Variants in FAT3 observed in about 807,000 individuals in gnomAD.
The protein encoded by FAT3 is FAT atypical cadherin 3.
In FAT3, 95 loss-of-function variants were observed where a neutral mutation model predicts 310.2. The observed-to-expected ratio is 0.31, with a 90% CI of 0.26 to 0.36. The LOEUF (loss-of-function observed/expected upper bound fraction) is 0.36, where lower values mean the gene tolerates loss of function less well. FAT3 is among the 10% of genes least tolerant of loss of function. FAT3 has a pLI of 1.00. For missense variants in FAT3, 5,408 were observed against 5,715.6 expected (o/e 0.95, Z 1.74); for synonymous variants, 2,314 against 2,192.9 (o/e 1.06, Z -1.54).
intron 4 of FAT3, among the ~76,000 whole-genome samples, chr11:92,727,408 A>T (rs1945031927): frequency 6.6e-6 from 1 of 151,636 alleles, no homozygotes; most frequent in African/African-American, 2.4e-5. Flanking sequence ...AGTAAAAGTG[A>T]CATAAATAAT....
chr11:92,811,793 A>G (rs1378262204), intron 13 of FAT3, among the ~76,000 whole-genome samples: 4 of 152,188 alleles, frequency 2.6e-5, no homozygotes, highest in African/African-American at 7.2e-5. Flanking sequence ...TGTATAAAGT[A>G]TACTCACCAG....
rs116866780 is a variant in FAT3 at position 92,599,440 on chromosome 11, C to T, written c.3607+74492C>T. On this transcript the variant is annotated intron_variant, in intron 3 of 27. Transcript: ENST00000525166. Reference sequence around the variant, plus strand: ...ATGACCTCCTACTAGGTTCCTCCCACGACATGAGAGGATTATGGGAACTAC... The same window carrying T: ...ATGACCTCCTACTAGGTTCCTCCCATGACATGAGAGGATTATGGGAACTAC... Among the ~76,000 whole-genome samples the T allele has an allele frequency of 2.0e-4, 30 of 152,180 alleles. 1 individual carries two copies. The East Asian group carries it at 5.2e-3, about 27-fold the overall frequency.
At position 92,299,916 on chromosome 11, in the gene FAT3, A is replaced by G. The variant is rs141439615; in HGVS notation, c.-17-52180A>G. 3.4e-3 allele frequency among the ~76,000 whole-genome samples: 522 copies of G among 152,234 alleles called. 2 individuals carry two copies. Among genetic ancestry groups the G allele is most frequent in the Middle Eastern group, 0.017 (5 of 294 alleles). ...CCCCCATAGCTCCAGAAAGAAATCT[A>G]TCTCTTCAGCAGGGCACATTCTGAC... On this transcript the variant is annotated intron_variant, in intron 1 of 27. Transcript: ENST00000525166.
intron 3 of FAT3, among the ~76,000 whole-genome samples, chr11:92,632,991 A>T (rs1273052473): frequency 1.3e-5 from 2 of 152,086 alleles, no homozygotes; most frequent in Non-Finnish European, 2.9e-5. Context: ...CTTATTTTGT[A>T]CCTGCTACCT....
intron 2 of FAT3, among the ~76,000 whole-genome samples, chr11:92,465,941 A>G (rs1951748958): frequency 6.6e-6 from 1 of 152,182 alleles, no homozygotes; most frequent in Non-Finnish European, 1.5e-5. Context: ...ACATCAACAA[A>G]GTCACAGATG....
intron 3 of FAT3, among the ~76,000 whole-genome samples, chr11:92,620,892 C>G (rs2135667229): frequency 6.6e-6 from 1 of 152,246 alleles, no homozygotes; most frequent in South Asian, 2.1e-4. Flanking sequence ...GGCACTTTTC[C>G]TGGATTGCAG....
chr11:92,293,052 G>C (rs139397092), intron 1 of FAT3, among the ~76,000 whole-genome samples: 1 of 132,150 alleles, frequency 7.6e-6, no homozygotes, highest in Non-Finnish European at 1.6e-5. Context: ...AAGGAAGGAA[G>C]GAAGGAAGGA....
At chr11:92,359,979 C>A (rs920951895) in intron 2 of FAT3, among the ~76,000 whole-genome samples, 2 of 149,990 alleles carry the variant, frequency 1.3e-5, no homozygotes, top group Non-Finnish European at 3.0e-5. Flanking sequence ...ATTTATAGTC[C>A]TTTGGGTATA....
chr11:92,575,225 G>A (rs562124), intron 3 of FAT3, among the ~76,000 whole-genome samples: 112,963 of 151,988 alleles, frequency 0.74, 44,219 homozygotes, highest in Non-Finnish European at 0.88. Flanking sequence ...GTAGGTAGAC[G>A]CCAACCCATT....
At chr11:92,683,186 T>C (rs1943537444) in intron 3 of FAT3, among the ~76,000 whole-genome samples, 1 of 152,140 alleles carries the variant, frequency 6.6e-6, no homozygotes, top group Non-Finnish European at 1.5e-5. Context: ...ATTCTGAGGA[T>C]GACAGGAATG....
intron 4 of FAT3, among the ~76,000 whole-genome samples, chr11:92,742,989 G>A (rs184268892): frequency 6.6e-6 from 1 of 152,318 alleles, no homozygotes; most frequent in African/African-American, 2.4e-5. Flanking sequence ...ACAGGATCTT[G>A]TATGTTAATA....
At chr11:92,603,800 GAAC>G (rs971408850) in intron 3 of FAT3, among the ~76,000 whole-genome samples, 1 of 152,164 alleles carries the variant, frequency 6.6e-6, no homozygotes, top group African/African-American at 2.4e-5. Flanking sequence ...AAACCAAAAA[GAAC>G]AACAACTTGT....
chr11:92,647,020 A>G (rs1250628676), intron 3 of FAT3, among the ~76,000 whole-genome samples: 2 of 152,188 alleles, frequency 1.3e-5, no homozygotes, highest in African/African-American at 4.8e-5. Context: ...GATAAGAACT[A>G]GGACAATTCC....
intron 4 of FAT3, among the ~76,000 whole-genome samples, chr11:92,736,768 C>A (rs1054902279): frequency 1.3e-5 from 2 of 152,086 alleles, no homozygotes; most frequent in East Asian, 3.9e-4. Context: ...AGTATCTGGG[C>A]AATAAAGTGA....
In FAT3 at chr11:92,761,945, G is replaced by C. The variant is rs373586130; in HGVS notation, c.3759G>C (p.Gln1253His). Residue 1253 changes from glutamine (Q) to histidine (H), a missense_variant, in exon 5 of 28, where the codon CAG becomes CAC. Gln to His is a conservative substitution (Grantham distance 24). Transcript: ENST00000525166. ...TAGATGAAAATGACAACAAGCCCCA[G>C]TTCCCAGAGAAGGTCTACCAGATCA... The part of the protein sequence containing the change: ...QVLDENDNKP[Q>H]FPEKVYQIKL... 1 of 1,613,994 alleles carries C rather than the reference G, an allele frequency of 6.2e-7. No individual in the cohort carries two copies. The highest frequency in any genetic ancestry group is 8.5e-7 in the Non-Finnish European group (1 of 1,179,892).
chr11:92,368,689 T>C (rs1949088103), intron 2 of FAT3, among the ~76,000 whole-genome samples: 1 of 152,080 alleles, frequency 6.6e-6, no homozygotes, highest in South Asian at 2.1e-4. Context: ...GCCACCCACC[T>C]CAGGTTATAT....
chr11:92,861,413 G>A (rs957657777), intron 21 of FAT3, among the ~76,000 whole-genome samples: 19 of 152,186 alleles, frequency 1.2e-4, no homozygotes, highest in African/African-American at 4.6e-4. Context: ...GATCCCAGAG[G>A]ATACGAAAGA....
chr11:92,406,544 G>A (rs991047031), intron 2 of FAT3: 4 of 152,102 alleles, frequency 2.6e-5, no homozygotes, highest in African/African-American at 7.2e-5. Flanking sequence ...GTAACCAAGG[G>A]AACCAAGGTG....
At chr11:92,824,993 A>G (rs1007782726) in intron 13 of FAT3, among the ~76,000 whole-genome samples, 1 of 152,182 alleles carries the variant, frequency 6.6e-6, no homozygotes, top group Non-Finnish European at 1.5e-5. Context: ...GTTTTTTTTC[A>G]CAAATGCAAA....
Sources: gnomAD v4.1 joint callset for allele counts (sites outside exome capture counted in the v4.1 genomes callset) on GRCh38, gnomAD v4.1.1 for gene constraint, MANE v1.5 for transcripts, NCBI Gene and HGNC (gene_info 2026-07-23, HGNC 2026-07-21) for gene names.